The following MYOM2 variants were observed in gnomAD, a reference collection of about 807,000 sequenced individuals.
The protein encoded by MYOM2 is myomesin 2.
MYOM2 carries 254 observed loss-of-function variants against 187.6 expected under a neutral mutation model. The observed-to-expected ratio is 1.35, with a 90% CI of 1.22 to 1.50. The LOEUF (loss-of-function observed/expected upper bound fraction) is 1.50. MYOM2 is among the 40% of genes most tolerant of loss of function. The pLI, the probability that MYOM2 is intolerant of heterozygous loss-of-function variation, is 0.00. For missense variants in MYOM2, 2,796 were observed against 1,924.0 expected (o/e 1.45, Z -8.48); for synonymous variants, 981 against 753.8 (o/e 1.30, Z -4.94).
chr8:2,130,699 T>A (rs1158037025), intron 32 of MYOM2, among the ~76,000 whole-genome samples: 3 of 152,216 alleles, frequency 2.0e-5, no homozygotes, highest in Admixed American at 2.0e-4. Context: ...TTATTCAAAC[T>A]CAAATGGAGT....
chr8:2,126,627 G>C (rs1263428448), intron 31 of MYOM2, among the ~76,000 whole-genome samples: 1 of 151,708 alleles, frequency 6.6e-6, no homozygotes, highest in Non-Finnish European at 1.5e-5. Flanking sequence ...GGGAGCATTG[G>C]GGGAGGCTGA....
At chr8:2,131,628 A>T (rs2116888764) in intron 32 of MYOM2, among the ~76,000 whole-genome samples, 1 of 147,488 alleles carries the variant, frequency 6.8e-6, no homozygotes, top group South Asian at 2.1e-4. Flanking sequence ...TATACAACAA[A>T]ACAGGCATTT....
chr8:2,104,586 C>T (rs375197554), intron 21 of MYOM2, among the ~76,000 whole-genome samples: 17 of 149,884 alleles, frequency 1.1e-4, no homozygotes, highest in East Asian at 2.0e-4. Flanking sequence ...GCCTGGGCAA[C>T]GGAGCAAGAC....
chr8:2,124,808 C>G (rs1180723416), intron 31 of MYOM2, among the ~76,000 whole-genome samples: 1 of 152,132 alleles, frequency 6.6e-6, no homozygotes, highest in Non-Finnish European at 1.5e-5. Context: ...GATGATATCT[C>G]ACTGCAGTTT....
chr8:2,099,791 A>G (rs1486318187), intron 19 of MYOM2, among the ~76,000 whole-genome samples: 1 of 152,226 alleles, frequency 6.6e-6, no homozygotes, highest in African/African-American at 2.4e-5. Context: ...CCTATCAGGA[A>G]TTAAGTGCAA....
chr8:2,053,361 A>C (rs1818554549), intron 3 of MYOM2, among the ~76,000 whole-genome samples: 1 of 152,250 alleles, frequency 6.6e-6, no homozygotes, highest in Non-Finnish European at 1.5e-5. Context: ...TGAAATGTAG[A>C]TGTTAACACA....
intron 29 of MYOM2, 52 bp from the exon 30 acceptor site, chr8:2,123,503 C>A: frequency 6.5e-7 from 1 of 1,537,590 alleles, no homozygotes; most frequent in Non-Finnish European, 9.0e-7. Flanking sequence ...ATTACGTTTT[C>A]TAAGATTGCA....
rs3736654 is a variant in MYOM2 at position 2,140,765 on chromosome 8, G to A, written c.3843G>A (p.Gly1281=). 2 of 1,613,928 alleles carry A rather than the reference G, an allele frequency of 1.2e-6. No individual in the cohort carries two copies. Among genetic ancestry groups the A allele is most frequent in the Non-Finnish European group, 8.5e-7 (1 of 1,180,008 alleles). The change falls in exon 33 of 37, where the codon GGG becomes GGA. Residue 1281 remains glycine, a synonymous_variant. Transcript: ENST00000262113. ...ISSSEHMRIG[G]SEEMAWLQIC... ...CCAGTGAGCATATGAGAATCGGGGG[G>A]AGTGAAGAGATGGCTTGGCTGCAGA...
At chr8:2,079,905 C>G (rs1458173004) in intron 13 of MYOM2, among the ~76,000 whole-genome samples, 1 of 152,178 alleles carries the variant, frequency 6.6e-6, no homozygotes, top group African/African-American at 2.4e-5. Flanking sequence ...AGAGAAGAAA[C>G]CAAACTAAAG....
chr8:2,079,656 T>C (rs758067557), intron 13 of MYOM2, 43 bp downstream of exon 13: 2 of 1,589,078 alleles, frequency 1.3e-6, no homozygotes, highest in Non-Finnish European at 1.7e-6. Context: ...CCCCTGGGGA[T>C]TTGGAGTTGT....
intron 6 of MYOM2, 105 bp downstream of exon 6, chr8:2,059,350 G>A (rs1016113572): frequency 6.7e-6 from 6 of 899,240 alleles, no homozygotes; most frequent in Non-Finnish European, 1.0e-5. Context: ...ACACCTGTCT[G>A]TTTGCACCCC....
At position 2,145,381 on chromosome 8, in the gene MYOM2, G is replaced by C. The variant is rs1291322817; in HGVS notation, c.*400G>C. 3 of 272,622 alleles carry C rather than the reference G, an allele frequency of 1.1e-5. No homozygotes were observed. The highest frequency in any genetic ancestry group is 2.0e-5 in the Non-Finnish European group (3 of 147,624). 16.9% of individuals were successfully genotyped at this position (272,622 alleles called of 1,614,324 possible). On this transcript the variant is annotated 3_prime_UTR_variant, in exon 37 of 37. Transcript: ENST00000262113. ...ATCTAGCATCTCTGAAATCCTGGCT[G>C]TCGAGGCTTTGAAGCATGTGTTACC... is the stretch of plus-strand genomic sequence containing the variant.
intron 23 of MYOM2, among the ~76,000 whole-genome samples, chr8:2,107,147 G>A (rs1443243848): frequency 1.3e-5 from 2 of 152,142 alleles, no homozygotes; most frequent in East Asian, 3.9e-4. Flanking sequence ...GAGTTCACCA[G>A]GCACACAGTC....
chr8:2,098,740 G>A (rs925167790), intron 18 of MYOM2, 117 bp from the exon 19 acceptor site: 12 of 1,184,652 alleles, frequency 1.0e-5, no homozygotes, highest in Admixed American at 2.9e-5. Flanking sequence ...CCAATTTCCC[G>A]ACAAGGTTCC....
intron 6 of MYOM2, among the ~76,000 whole-genome samples, chr8:2,068,586 C>T (rs947464521): frequency 6.6e-6 from 1 of 152,092 alleles, no homozygotes; most frequent in Non-Finnish European, 1.5e-5. Context: ...CTCTTCAATG[C>T]CCATGTGCAC....
chr8:2,046,958 A>G (rs1818331309), intron 1 of MYOM2, among the ~76,000 whole-genome samples: 1 of 152,154 alleles, frequency 6.6e-6, no homozygotes, highest in Non-Finnish European at 1.5e-5. Context: ...AATGCTCTAA[A>G]TTCTGAAACT....
chr8:2,100,713 C>G (rs908142734), intron 19 of MYOM2, among the ~76,000 whole-genome samples, 163 bp from the exon 20 acceptor site: 1 of 152,114 alleles, frequency 6.6e-6, no homozygotes, highest in Non-Finnish European at 1.5e-5. Context: ...CCCTCCTTAC[C>G]CTGCTCTGCA....
At chr8:2,109,751 G>A (rs1797008982) in intron 25 of MYOM2, among the ~76,000 whole-genome samples, 1 of 152,228 alleles carries the variant, frequency 6.6e-6, no homozygotes, top group Non-Finnish European at 1.5e-5. Context: ...TTTAAAATCT[G>A]AGCCTGTTGG....
At chr8:2,122,655 T>C (rs1797496321) in intron 28 of MYOM2, among the ~76,000 whole-genome samples, 1 of 152,236 alleles carries the variant, frequency 6.6e-6, no homozygotes, top group Admixed American at 6.5e-5. Flanking sequence ...TCAGAATTCT[T>C]CCTCGTCCCT....
Sources: gnomAD v4.1 joint callset for allele counts (sites outside exome capture counted in the v4.1 genomes callset) on GRCh38, gnomAD v4.1.1 for gene constraint, MANE v1.5 for transcripts, NCBI Gene and HGNC (gene_info 2026-07-23, HGNC 2026-07-21) for gene names.